BMP2K: variants seen among roughly 807,000 people sequenced by gnomAD.
BMP2K encodes the protein BMP-2-inducible protein kinase.
Under a neutral mutation model 116.0 loss-of-function variants are expected in BMP2K, and 74 were observed. The observed-to-expected ratio is 0.64, with a 90% CI of 0.53 to 0.77. The LOEUF (loss-of-function observed/expected upper bound fraction) is 0.77, where lower values mean the gene tolerates loss of function less well. BMP2K is among the 30% of genes least tolerant of loss of function. BMP2K has a pLI of 0.00. For synonymous variants in BMP2K, 486 were observed against 502.5 expected (o/e 0.97, Z 0.44); for missense variants, 1,365 against 1,403.6 (o/e 0.97, Z 0.44).
intron 9 of BMP2K, among the ~76,000 whole-genome samples, chr4:78,862,034 ACT>A (rs752483736): frequency 1.6e-4 from 24 of 151,924 alleles, no homozygotes; most frequent in Non-Finnish European, 2.5e-4. Flanking sequence ...CCCCCCTCAC[ACT>A]TTTTTGAATT....
chr4:78,898,200 C>T (rs909027617), intron 15 of BMP2K, among the ~76,000 whole-genome samples: 4 of 152,118 alleles, frequency 2.6e-5, no homozygotes, highest in African/African-American at 7.2e-5. Flanking sequence ...ACTTCCTCAA[C>T]GCTCCCAAAG....
At chr4:78,790,625 A>C (rs1727951209) in intron 1 of BMP2K, among the ~76,000 whole-genome samples, 1 of 152,222 alleles carries the variant, frequency 6.6e-6, no homozygotes, top group African/African-American at 2.4e-5. Context: ...ACAAAAAAAG[A>C]TAATTTTTCT....
At chr4:78,907,861 G>A (rs1734365466) in intron 15 of BMP2K, among the ~76,000 whole-genome samples, 1 of 152,166 alleles carries the variant, frequency 6.6e-6, no homozygotes, top group African/African-American at 2.4e-5. Flanking sequence ...CGTGAGGTGT[G>A]AATGTTGTGG....
At chr4:78,819,300 C>G (rs1729506378) in intron 1 of BMP2K, among the ~76,000 whole-genome samples, 1 of 152,086 alleles carries the variant, frequency 6.6e-6, no homozygotes, top group Admixed American at 6.5e-5. Flanking sequence ...GGCGATCCAC[C>G]ATCCTTGGCC....
At chr4:78,779,914 G>C (rs1386400536) in intron 1 of BMP2K, among the ~76,000 whole-genome samples, 1 of 151,930 alleles carries the variant, frequency 6.6e-6, no homozygotes, top group East Asian at 1.9e-4. Flanking sequence ...GGCAGTTCAT[G>C]TTTTTTTTCT....
intron 15 of BMP2K, among the ~76,000 whole-genome samples, chr4:78,907,019 C>CT (rs969832408): frequency 6.6e-6 from 1 of 151,880 alleles, no homozygotes. Flanking sequence ...GGAGGGTTTC[C>CT]TTTTTACTCC....
At chr4:78,822,000 G>T (rs1423266925) in intron 1 of BMP2K, among the ~76,000 whole-genome samples, 3 of 152,188 alleles carry the variant, frequency 2.0e-5, no homozygotes, top group South Asian at 2.1e-4. Context: ...AAGTTAGTCT[G>T]TAGCAGTATA....
At chr4:78,881,774 T>C (rs1460758030) in intron 14 of BMP2K, among the ~76,000 whole-genome samples, 1 of 152,084 alleles carries the variant, frequency 6.6e-6, no homozygotes, top group Non-Finnish European at 1.5e-5. Flanking sequence ...TTAATGACTT[T>C]CACCTTTTTT....
chr4:78,817,477 G>A (rs533367522), intron 1 of BMP2K, among the ~76,000 whole-genome samples: 105 of 152,308 alleles, frequency 6.9e-4, no homozygotes, highest in African/African-American at 2.2e-3. Flanking sequence ...GAAGGGACAC[G>A]AATGAACAAG....
intron 13 of BMP2K, 52 bp from the exon 14 acceptor site, chr4:78,878,682 T>A: frequency 7.1e-7 from 1 of 1,408,230 alleles, no homozygotes; most frequent in Non-Finnish European, 9.7e-7. Context: ...AATTTTTATT[T>A]ATTTTAATTT....
intron 15 of BMP2K, among the ~76,000 whole-genome samples, chr4:78,894,354 G>A (rs1437347787): frequency 6.6e-6 from 1 of 152,160 alleles, no homozygotes; most frequent in Non-Finnish European, 1.5e-5. Flanking sequence ...CTGTTGTTTA[G>A]TGTAGCCACC....
At chr4:78,841,014 G>T (rs1467059269) in intron 3 of BMP2K, among the ~76,000 whole-genome samples, 2 of 152,132 alleles carry the variant, frequency 1.3e-5, no homozygotes, top group African/African-American at 4.8e-5. Flanking sequence ...CCAAATGAGG[G>T]AGTGGTGGAA....
At chr4:78,847,955 A>G (rs923683769) in intron 6 of BMP2K, among the ~76,000 whole-genome samples, 1 of 151,688 alleles carries the variant, frequency 6.6e-6, no homozygotes, top group African/African-American at 2.4e-5. Context: ...TTAGGAATGG[A>G]GGAATAAAAT....
chr4:78,888,500 C>G (rs1333597821), intron 15 of BMP2K, among the ~76,000 whole-genome samples: 1 of 152,194 alleles, frequency 6.6e-6, no homozygotes, highest in Non-Finnish European at 1.5e-5. Context: ...TTTACATCCT[C>G]TGTTAGGAAT....
At chr4:78,836,367 A>G (rs1236136951) in intron 3 of BMP2K, among the ~76,000 whole-genome samples, 5 of 152,074 alleles carry the variant, frequency 3.3e-5, no homozygotes, top group African/African-American at 4.8e-5. Flanking sequence ...CAGTGAGCCA[A>G]GATCGCTCCA....
chr4:78,788,788 C>T (rs1352998839), intron 1 of BMP2K, among the ~76,000 whole-genome samples: 1 of 151,242 alleles, frequency 6.6e-6, no homozygotes, highest in African/African-American at 2.4e-5. Flanking sequence ...TGTATGAATC[C>T]ATAGTGTTCG....
intron 1 of BMP2K, among the ~76,000 whole-genome samples, chr4:78,778,224 T>C (rs1560495102): frequency 1.3e-5 from 2 of 152,144 alleles, no homozygotes; most frequent in Admixed American, 6.5e-5. Flanking sequence ...AGAAAAAAAA[T>C]ACTGACATTT....
At chr4:78,849,440 T>A (rs1309514207) in intron 6 of BMP2K, among the ~76,000 whole-genome samples, 1 of 151,594 alleles carries the variant, frequency 6.6e-6, no homozygotes, top group African/African-American at 2.4e-5. Context: ...GCTAAAATTG[T>A]TATCTGGGAA....
intron 1 of BMP2K, among the ~76,000 whole-genome samples, chr4:78,801,750 C>T (rs1728577535): frequency 6.6e-6 from 1 of 152,176 alleles, no homozygotes; most frequent in Admixed American, 6.5e-5. Context: ...CTGTGCCTCA[C>T]CTGTGTAAGA....
Sources: gnomAD v4.1 joint callset for allele counts (sites outside exome capture counted in the v4.1 genomes callset) on GRCh38, gnomAD v4.1.1 for gene constraint, MANE v1.5 for transcripts, NCBI Gene and HGNC (gene_info 2026-07-23, HGNC 2026-07-21) for gene names.